The following RREB1 variants were observed in gnomAD, a reference collection of about 807,000 sequenced individuals.
RREB1 encodes the protein ras responsive element binding protein 1.
A neutral mutation model predicts 117.8 loss-of-function variants in RREB1; 27 were observed. The observed-to-expected ratio is 0.23, with a 90% CI of 0.17 to 0.32. The LOEUF (loss-of-function observed/expected upper bound fraction) is 0.32. Ranked by LOEUF, RREB1 falls within the 10% of genes least tolerant of loss-of-function variation. RREB1 has a pLI of 1.00. For missense variants in RREB1, 2,577 were observed against 2,378.2 expected (o/e 1.08, Z -1.74); for synonymous variants, 1,298 against 1,026.7 (o/e 1.26, Z -5.05).
At chr6:7,185,585 A>G (rs1341442328) in intron 4 of RREB1, among the ~76,000 whole-genome samples, 1 of 151,930 alleles carries the variant, frequency 6.6e-6, no homozygotes, top group Non-Finnish European at 1.5e-5. Context: ...AAAAAGAAAA[A>G]GTTCCTATTG....
chr6:7,247,945 A>G (rs73376351), intron 12 of RREB1, among the ~76,000 whole-genome samples: 3,694 of 152,180 alleles, frequency 0.024, 139 homozygotes, highest in African/African-American at 0.083. Context: ...ATGTGCCCCG[A>G]CCCAGCGCAG....
intron 4 of RREB1, chr6:7,183,357 T>C (rs1470170842): frequency 6.6e-6 from 1 of 152,220 alleles, no homozygotes; most frequent in African/African-American, 2.4e-5. Context: ...CATCTATCCA[T>C]CTCTCCATCC....
chr6:7,211,495 A>G (rs1428973505), intron 7 of RREB1, 78 bp from the exon 8 acceptor site: 1 of 1,301,786 alleles, frequency 7.7e-7, no homozygotes, highest in Non-Finnish European at 1.1e-6. Flanking sequence ...TAAATCTCTG[A>G]ATTTAGCATT....
At chr6:7,125,555 C>T (rs896221353) in intron 1 of RREB1, among the ~76,000 whole-genome samples, 1 of 152,184 alleles carries the variant, frequency 6.6e-6, no homozygotes, top group Non-Finnish European at 1.5e-5. Context: ...TTTGAAGAGA[C>T]TCTAAGCTCT....
rs6902300 is a variant in RREB1, at chr6:7,228,409, A to G, written c.898-588A>G. On this transcript the variant is annotated intron_variant, in intron 9 of 12. Transcript: ENST00000379938. ...CTAGTGAGATACCCTGTGGGTTGAT[A>G]TCAGTTATCACGCAAACATGATTCT... is the stretch of plus-strand genomic sequence containing the variant. Among the ~76,000 whole-genome samples the G allele has an allele frequency of 1.7e-3, 256 of 151,436 alleles. 1 individual carries two copies. Among genetic ancestry groups the G allele is most frequent in the African/African-American group, 5.8e-3 (238 of 41,216 alleles).
rs70978941 is a variant in RREB1 at position 7,117,388 on chromosome 6, G to GTTTTTTTT, written c.-285+9358_-285+9365dup. Among the ~76,000 whole-genome samples, 88 of 63,284 alleles carry GTTTTTTTT rather than the reference G, an allele frequency of 1.4e-3. 9 individuals are homozygous for GTTTTTTTT. Among genetic ancestry groups the GTTTTTTTT allele is most frequent in the Middle Eastern group, 0.02 (2 of 100 alleles). 41.5% of individuals were successfully genotyped at this position (63,284 alleles called of 152,430 possible). ...GGTGAACCATGTGAATAGGTTTCCT[G>GTTTTTTTT]TTTTTTTTTTTTTTTTTTTTTTTTT... On this transcript the variant is annotated intron_variant, in intron 1 of 12. Coordinates refer to ENST00000379938, the MANE Select transcript of RREB1 (RefSeq NM_001003699.4).
chr6:7,130,462 G>C (rs193231390), intron 1 of RREB1, among the ~76,000 whole-genome samples: 15 of 152,204 alleles, frequency 9.9e-5, no homozygotes, highest in African/African-American at 3.6e-4. Flanking sequence ...TGGGCAAACT[G>C]TCTGCTGGGA....
At chr6:7,175,503 C>T (rs1204567825) in intron 1 of RREB1, among the ~76,000 whole-genome samples, 1 of 152,140 alleles carries the variant, frequency 6.6e-6, no homozygotes, top group East Asian at 1.9e-4. Context: ...TCTGTAGATG[C>T]TCCAGAAGGG....
chr6:7,130,012 A>T (rs1762085333), intron 1 of RREB1, among the ~76,000 whole-genome samples: 1 of 152,102 alleles, frequency 6.6e-6, no homozygotes, highest in African/African-American at 2.4e-5. Context: ...TGGTGAACCT[A>T]CTTGTCCCAG....
At position 7,229,104 on chromosome 6, in the gene RREB1, G is replaced by T; in HGVS notation, c.1005G>T (p.Lys335Asn). The T allele has an allele frequency of 6.2e-7, 1 of 1,606,664 alleles. No individual in the cohort carries two copies. The highest frequency in any genetic ancestry group is 2.2e-5 in the East Asian group (1 of 44,620). ...TGCTCTGCTCACTGGCTCTGCACAAGCAGACCCATGTGGCGGCAGACCAGG... is the reference window on the plus strand; with the variant it reads ...TGCTCTGCTCACTGGCTCTGCACAATCAGACCCATGTGGCGGCAGACCAGG... ...FPMLCSLALH[K>N]QTHVAADQGQ... Residue 335 changes from lysine (K) to asparagine (N), a missense_variant, in exon 10 of 13, where the codon AAG becomes AAT. Lys to Asn is a moderately conservative substitution (Grantham distance 94). Coordinates refer to ENST00000379938, the MANE Select transcript of RREB1 (RefSeq NM_001003699.4). The surrounding 1 kb of genome is among the most constrained non-coding windows in gnomAD (Gnocchi z 4.5).
At chr6:7,126,909 G>C (rs1442933988) in intron 1 of RREB1, among the ~76,000 whole-genome samples, 1 of 152,200 alleles carries the variant, frequency 6.6e-6, no homozygotes, top group Admixed American at 6.5e-5. Context: ...AGGACAAGTG[G>C]AGGGGCCTGC....
intron 6 of RREB1, among the ~76,000 whole-genome samples, chr6:7,199,332 A>C (rs1367390781): frequency 1.3e-5 from 2 of 152,228 alleles, no homozygotes; most frequent in East Asian, 3.8e-4. Context: ...GGTGCTCAAC[A>C]AATTGTAGTT....
At chr6:7,189,067 T>G (rs550897922) in intron 5 of RREB1, 92 bp from the exon 6 acceptor site, 27 of 1,285,492 alleles carry the variant, frequency 2.1e-5, no homozygotes, top group South Asian at 3.2e-5. Context: ...AGTTGATTGG[T>G]TTTTTTAATA....
In RREB1 at chr6:7,230,717, G is replaced by A. The variant is rs765858464; in HGVS notation, c.2618G>A (p.Gly873Asp). 6.3e-7 allele frequency: 1 copy of A among 1,596,950 alleles called. No individual in the cohort carries two copies. Residue 873 changes from glycine (G) to aspartate (D), a missense_variant, in exon 10 of 13, where the codon GGC becomes GAC. Coordinates refer to ENST00000379938, the MANE Select transcript of RREB1 (RefSeq NM_001003699.4). ...LEPQNGFLHRGPTQPPPPHVS... is the reference protein window; with the variant it reads ...LEPQNGFLHRDPTQPPPPHVS... ...CCCCAGAACGGCTTTCTTCACAGGGGCCCCACCCAGCCTCCACCTCCCCAT... is the reference window on the plus strand; with the variant it reads ...CCCCAGAACGGCTTTCTTCACAGGGACCCCACCCAGCCTCCACCTCCCCAT...
At position 7,221,467 on chromosome 6, in the gene RREB1, C is replaced by T. The variant is rs560212259; in HGVS notation, c.708-5000C>T. On this transcript the variant is annotated intron_variant, in intron 8 of 12. Transcript: ENST00000379938. ...GATTACAGGCGTGAGCCACCGCGCC[C>T]GGCCGCAAGTGTTTTTCTGTGGGTG... is the stretch of plus-strand genomic sequence containing the variant. Among the ~76,000 whole-genome samples the T allele has an allele frequency of 1.1e-3, 161 of 152,332 alleles. 1 individual carries two copies. The highest frequency in any genetic ancestry group is 1.7e-3 in the Non-Finnish European group (117 of 68,020).
intron 9 of RREB1, among the ~76,000 whole-genome samples, chr6:7,227,813 T>C (rs2714311): frequency 0.42 from 63,174 of 151,924 alleles, 15,579 homozygotes; most frequent in African/African-American, 0.7. Flanking sequence ...TACCTGTAAC[T>C]CCAGCACTTT....
chr6:7,227,553 T>A (rs56395242), intron 9 of RREB1, among the ~76,000 whole-genome samples: 61,918 of 150,210 alleles, frequency 0.41, 14,916 homozygotes, highest in African/African-American at 0.68. Flanking sequence ...AAAAAAAAAA[T>A]TTTTTTTTTA....
At chr6:7,121,825 T>C (rs1761694021) in intron 1 of RREB1, among the ~76,000 whole-genome samples, 1 of 152,160 alleles carries the variant, frequency 6.6e-6, no homozygotes, top group Non-Finnish European at 1.5e-5. Context: ...TGTTTTCCAC[T>C]GAGTTGGTAC....
chr6:7,248,972 C>T lies in RREB1; in HGVS notation c.*4C>T. The stretch of plus-strand genomic sequence containing the variant: ...CCAGCTCGTGGGGATGGAGTGACAG[C>T]CTCAGTCCCCCTCAGCACAGACAAA... On this transcript the variant is annotated 3_prime_UTR_variant, in exon 13 of 13. Coordinates refer to ENST00000379938, the MANE Select transcript of RREB1 (RefSeq NM_001003699.4). 2.0e-6 allele frequency: 3 copies of T among 1,465,494 alleles called. No homozygotes were observed. The allele number at this position is 1,465,494 out of a possible 1,614,324, so 90.8% of individuals were successfully genotyped here. A position where few individuals can be genotyped will look rare whatever the true frequency, so the allele number is the denominator to read the frequency against.
Sources: gnomAD v4.1 joint callset for allele counts (sites outside exome capture counted in the v4.1 genomes callset) on GRCh38, gnomAD v4.1.1 for gene constraint, Gnocchi (gnomAD v3.1) non-coding constraint, MANE v1.5 for transcripts, NCBI Gene and HGNC (gene_info 2026-07-23, HGNC 2026-07-21) for gene names.